The following ONECUT3 variants were observed in gnomAD, a reference collection of about 807,000 sequenced individuals.
ONECUT3 encodes one cut homeobox 3.
Under a neutral mutation model 16.8 loss-of-function variants are expected in ONECUT3, and 11 were observed. The observed-to-expected ratio is 0.66, with a 90% confidence interval of 0.41 to 1.09. The LOEUF is 1.09. Among genes scored for constraint, ONECUT3 ranks in the 50% least tolerant of loss-of-function variants. The probability of loss-of-function intolerance (pLI) is 0.00; values close to 1 mark genes in which losing one functional copy is unlikely to be tolerated. For synonymous variants in ONECUT3, 344 were observed against 310.7 expected, an observed-to-expected ratio of 1.11 and a Z score of -1.13; for missense variants, 637 against 629.9, an observed-to-expected ratio of 1.01 and a Z score of -0.12.
Position 1,776,738 on chromosome 19 carries a change from G to C in ONECUT3, c.*1293G>C, listed in dbSNP as rs906546618. Reference sequence around the variant, plus strand: ...TCCGGGGGTTCAAGATCCGAGTCTAGAAGGAACCTCCTCCCTGAAATCCCC... The same window carrying C: ...TCCGGGGGTTCAAGATCCGAGTCTACAAGGAACCTCCTCCCTGAAATCCCC... On this transcript the variant is annotated 3_prime_UTR_variant, in exon 2 of 2. Transcript: ENST00000382349. This position sits in a 1 kb window ranked among gnomAD's most constrained non-coding sequence, Gnocchi z 4.9. 1 of 150,562 alleles carries C rather than the reference G, an allele frequency of 6.6e-6. No individual in the cohort carries two copies. The highest frequency in any genetic ancestry group is 6.6e-5 in the Admixed American group (1 of 15,066). 9.3% of individuals were successfully genotyped at this position (150,562 alleles called of 1,614,324 possible).
Position 1,758,315 on chromosome 19 carries a change from A to AAAG in ONECUT3, c.1192+3462_1192+3463insAGA, listed in dbSNP as rs1555799065. On this transcript the variant is annotated intron_variant, in intron 1 of 1. Coordinates refer to ENST00000382349, the MANE Select transcript of ONECUT3 (RefSeq NM_001080488.2). This position sits in a 1 kb window ranked among gnomAD's most constrained non-coding sequence, Gnocchi z 5.9. ...GCAGAGAGACCAAAAAAAAAAAAAA[A>AAAG]AGAGAGAGAGAGAGAGAGAGACAGA... 5.5e-4 allele frequency among the ~76,000 whole-genome samples: 42 copies of AAAG among 77,054 alleles called. No homozygotes were observed. The highest frequency in any genetic ancestry group is 1.5e-3 in the South Asian group (3 of 2,032). 50.6% of individuals were successfully genotyped at this position (77,054 alleles called of 152,430 possible).
chr19:1,779,061 T>C lies in ONECUT3; in HGVS notation c.*3616T>C, dbSNP rs562470481. ...CATACCAAAGAGCATGCGTTCTCCA[T>C]GCAGGGATCAACACCTCCAGCACAA... On this transcript the variant is annotated 3_prime_UTR_variant, in exon 2 of 2. Transcript: ENST00000382349. 1 of 152,252 alleles carries C rather than the reference T, an allele frequency of 6.6e-6. No homozygotes were observed. The highest frequency in any genetic ancestry group is 2.1e-4 in the South Asian group (1 of 4,822). 9.4% of individuals were successfully genotyped at this position (152,252 alleles called of 1,614,324 possible). A position where few individuals can be genotyped will look rare whatever the true frequency, so the allele number is the denominator to read the frequency against.
Position 1,775,817 on chromosome 19 carries a change from A to C in ONECUT3, c.*372A>C. The C allele has an allele frequency of 6.0e-6, 1 of 166,444 alleles. No individual in the cohort carries two copies. The highest frequency in any genetic ancestry group is 1.7e-4 in the East Asian group (1 of 5,966). 10.3% of individuals were successfully genotyped at this position (166,444 alleles called of 1,614,324 possible). On this transcript the variant is annotated 3_prime_UTR_variant, in exon 2 of 2. Transcript: ENST00000382349. ...AGCGGGTCAAGAAGCACATACTAGA[A>C]ATATAAACCGGGTATTTAAAAATGG...
chr19:1,753,777 G>C lies in ONECUT3; in HGVS notation c.115G>C (p.Val39Leu). The change falls in exon 1 of 2, where the codon GTG (valine) becomes CTG (leucine). Residue 39 changes from valine (V) to leucine (L), a missense_variant. Physicochemically the swap from Val to Leu is conservative, Grantham distance 32. This residue lies in a region of ONECUT3 where 419 missense variants were observed against 377.9 expected (regional missense o/e 1.11). Transcript: ENST00000382349. ...GGCGGCGGCGCAGCACCGCGGCCTG[G>C]TGGCGCCCGGGCGCCCGGGCCTGGT... The part of the protein sequence containing the change: ...RSAAAQHRGL[V>L]APGRPGLVAG... The C allele has an allele frequency of 7.1e-6, 7 of 984,512 alleles. No individual in the cohort carries two copies. The highest frequency in any genetic ancestry group is 8.4e-6 in the Non-Finnish European group (7 of 829,682). 61.0% of individuals were successfully genotyped at this position (984,512 alleles called of 1,614,324 possible).
chr19:1,775,323 C>G lies in ONECUT3; in HGVS notation c.1363C>G (p.Leu455Val). ...CATCTCGCAGCAGCTCGGCTTGGAG[C>G]TCAACACCGTCAGCAACTTCTTCAT... Reference protein sequence around the residue: ...VTISQQLGLELNTVSNFFMNA... With the variant: ...VTISQQLGLEVNTVSNFFMNA... The change falls in exon 2 of 2, where the codon CTC (leucine) becomes GTC (valine). Residue 455 changes from leucine to valine, a missense_variant. Coordinates refer to ENST00000382349, the MANE Select transcript of ONECUT3 (RefSeq NM_001080488.2). 3 of 1,594,164 alleles carry G rather than the reference C, an allele frequency of 1.9e-6. No individual in the cohort carries two copies. The highest frequency in any genetic ancestry group is 2.6e-6 in the Non-Finnish European group (3 of 1,169,944).
At chr19:1,772,383 T>C (rs1340778922) in intron 1 of ONECUT3, among the ~76,000 whole-genome samples, 1 of 152,016 alleles carries the variant, frequency 6.6e-6, no homozygotes. Context: ...TGGAGTGCAG[T>C]GGTGAGATCA....
chr19:1,767,327 A>G (rs1442538920), intron 1 of ONECUT3, among the ~76,000 whole-genome samples: 1 of 151,978 alleles, frequency 6.6e-6, no homozygotes, highest in Non-Finnish European at 1.5e-5. Flanking sequence ...CATGATCAAG[A>G]CCATCTTACA....
At chr19:1,763,413 G>A (rs1345778164) in intron 1 of ONECUT3, among the ~76,000 whole-genome samples, 1 of 127,376 alleles carries the variant, frequency 7.9e-6, no homozygotes, top group African/African-American at 2.7e-5. Context: ...AGATGTGGTG[G>A]TGTACATCTG....
chr19:1,764,744 A>C lies in ONECUT3; in HGVS notation c.1192+9890A>C, dbSNP rs1379944290. 6.9e-6 allele frequency among the ~76,000 whole-genome samples: 1 copy of C among 144,164 alleles called. No individual in the cohort carries two copies. The highest frequency in any genetic ancestry group is 2.5e-5 in the African/African-American group (1 of 39,338). The allele number at this position is 144,164 out of a possible 152,430, so 94.6% of individuals were successfully genotyped here. On this transcript the variant is annotated intron_variant, in intron 1 of 1. Transcript: ENST00000382349. The surrounding 1 kb of genome is among the most constrained non-coding windows in gnomAD (Gnocchi z 5.0). ...TATGTGACCCGGGCCCCCCACAGTAACTGGACATGTGACCTTGGGCAAGTC... is the reference window on the plus strand; with the variant it reads ...TATGTGACCCGGGCCCCCCACAGTACCTGGACATGTGACCTTGGGCAAGTC...
At chr19:1,765,723 TTGATAAACCAGGAACC>T (rs1235884537) in intron 1 of ONECUT3, among the ~76,000 whole-genome samples, 4 of 152,174 alleles carry the variant, frequency 2.6e-5, no homozygotes, top group Non-Finnish European at 1.5e-5. Flanking sequence ...CTGCGTCCAC[TTGATAAACCAGGAACC>T]TGATGTCCAG....
Position 1,776,723 on chromosome 19 carries a change from C to T in ONECUT3, c.*1278C>T, listed in dbSNP as rs1191896019. On this transcript the variant is annotated 3_prime_UTR_variant, in exon 2 of 2. Coordinates refer to ENST00000382349, the MANE Select transcript of ONECUT3 (RefSeq NM_001080488.2). This position sits in a 1 kb window ranked among gnomAD's most constrained non-coding sequence, Gnocchi z 4.9. The stretch of plus-strand genomic sequence containing the variant: ...CAGGAGCCCGCCTCCTCCGGGGGTT[C>T]AAGATCCGAGTCTAGAAGGAACCTC... 1.3e-5 allele frequency: 2 copies of T among 150,622 alleles called. No individual in the cohort carries two copies. Among genetic ancestry groups the T allele is most frequent in the African/African-American group, 4.9e-5 (2 of 40,838 alleles). The allele number at this position is 150,622 out of a possible 1,614,324, so 9.3% of individuals were successfully genotyped here.
Position 1,766,263 on chromosome 19 carries a change from G to A in ONECUT3, c.1193-8890G>A, listed in dbSNP as rs2067987991. Among the ~76,000 whole-genome samples the A allele has an allele frequency of 6.6e-6, 1 of 152,084 alleles. No homozygotes were observed. The highest frequency in any genetic ancestry group is 1.5e-5 in the Non-Finnish European group (1 of 67,986). On this transcript the variant is annotated intron_variant, in intron 1 of 1. Transcript: ENST00000382349. This position sits in a 1 kb window ranked among gnomAD's most constrained non-coding sequence, Gnocchi z 4.0. ...TGGGAAGCCTCAGGCAGCCCCACGC[G>A]GGCACACCCGATGGTGGACGGAGGC... is the stretch of plus-strand genomic sequence containing the variant.
At position 1,778,978 on chromosome 19, in the gene ONECUT3, C is replaced by T. The variant is rs1053077744; in HGVS notation, c.*3533C>T. ...CCCCCACAGAAGGCTCTATCCCCGA[C>T]CTGCCCGCCGGCCCCTCAGGCCCTC... On this transcript the variant is annotated 3_prime_UTR_variant, in exon 2 of 2. Transcript: ENST00000382349. 2.6e-5 allele frequency: 4 copies of T among 152,364 alleles called. No homozygotes were observed. The highest frequency in any genetic ancestry group is 5.9e-5 in the Non-Finnish European group (4 of 68,276). 9.4% of individuals were successfully genotyped at this position (152,364 alleles called of 1,614,324 possible).
At position 1,754,575 on chromosome 19, in the gene ONECUT3, C is replaced by A. The variant is rs2067906848; in HGVS notation, c.913C>A (p.Pro305Thr). The change falls in exon 1 of 2, where the codon CCC becomes ACC. Residue 305 changes from proline to threonine, a missense_variant. This residue lies in a region of ONECUT3 where 419 missense variants were observed against 377.9 expected (regional missense o/e 1.11). Coordinates refer to ENST00000382349, the MANE Select transcript of ONECUT3 (RefSeq NM_001080488.2). This position sits in a 1 kb window ranked among gnomAD's most constrained non-coding sequence, Gnocchi z 7.4. ...CGGGCCGCACGGGGGAGGCGGCGGC[C>A]CCGGCGGGAGCGGCGGCGGCCCCAG... ...AHGPHGGGGG[P>T]GGSGGGPSAG... 4 of 1,207,566 alleles carry A rather than the reference C, an allele frequency of 3.3e-6. No homozygotes were observed. The highest frequency in any genetic ancestry group is 4.2e-6 in the Non-Finnish European group (4 of 963,582). The allele number at this position is 1,207,566 out of a possible 1,614,324, so 74.8% of individuals were successfully genotyped here. A position where few individuals can be genotyped will look rare whatever the true frequency, so the allele number is the denominator to read the frequency against.
At position 1,777,832 on chromosome 19, in the gene ONECUT3, A is replaced by C. The variant is rs1258696902; in HGVS notation, c.*2387A>C. 6.6e-6 allele frequency: 1 copy of C among 151,960 alleles called. No individual in the cohort carries two copies. Among genetic ancestry groups the C allele is most frequent in the Non-Finnish European group, 1.5e-5 (1 of 68,004 alleles). 9.4% of individuals were successfully genotyped at this position (151,960 alleles called of 1,614,324 possible). A position where few individuals can be genotyped will look rare whatever the true frequency, so the allele number is the denominator to read the frequency against. The stretch of plus-strand genomic sequence containing the variant: ...ACATGGTGAAACCCTGTCTCTACTA[A>C]AAATACAAAAAAATTAGCTGGGCGA... On this transcript the variant is annotated 3_prime_UTR_variant, in exon 2 of 2. Coordinates refer to ENST00000382349, the MANE Select transcript of ONECUT3 (RefSeq NM_001080488.2).
chr19:1,766,552 A>G lies in ONECUT3; in HGVS notation c.1193-8601A>G, dbSNP rs2067991840. On this transcript the variant is annotated intron_variant, in intron 1 of 1. Transcript: ENST00000382349. The surrounding 1 kb of genome is among the most constrained non-coding windows in gnomAD (Gnocchi z 4.0). ...GGAAGGAAAGGGAGGAAAAGAAAAGAGCAGAGAGGGGAGAGGGAGGGAGGG... is the reference window on the plus strand; with the variant it reads ...GGAAGGAAAGGGAGGAAAAGAAAAGGGCAGAGAGGGGAGAGGGAGGGAGGG... 6.9e-6 allele frequency among the ~76,000 whole-genome samples: 1 copy of G among 145,760 alleles called. No homozygotes were observed.
chr19:1,769,197 T>C (rs1235407501), intron 1 of ONECUT3, among the ~76,000 whole-genome samples: 2 of 141,156 alleles, frequency 1.4e-5, no homozygotes, highest in African/African-American at 5.3e-5. Context: ...GTGATGGAGG[T>C]GGAGGTGGTG....
rs1169827569 is a variant in ONECUT3, at chr19:1,762,172, C to A, written c.1192+7318C>A. On this transcript the variant is annotated intron_variant, in intron 1 of 1. Transcript: ENST00000382349. The surrounding 1 kb of genome is among the most constrained non-coding windows in gnomAD (Gnocchi z 4.4). The stretch of plus-strand genomic sequence containing the variant: ...CATCTCCCCCTGGACGCAGTGGCTG[C>A]GCCATCTGGAGACCCTCGTGCTGGC... 6.6e-6 allele frequency among the ~76,000 whole-genome samples: 1 copy of A among 152,222 alleles called. No homozygotes were observed. Among genetic ancestry groups the A allele is most frequent in the Non-Finnish European group, 1.5e-5 (1 of 68,036 alleles).
Position 1,754,595 on chromosome 19 carries a change from C to A in ONECUT3, c.933C>A (p.Gly311=). The change falls in exon 1 of 2, where the codon GGC becomes GGA. Residue 311 remains glycine (G), a synonymous_variant. Transcript: ENST00000382349. This position sits in a 1 kb window ranked among gnomAD's most constrained non-coding sequence, Gnocchi z 7.4. ...GCGGCCCCGGCGGGAGCGGCGGCGG[C>A]CCCAGCGCGGGCGCAGCGGCCGAGG... ...GGGGPGGSGG[G]PSAGAAAEEI... is the part of the protein sequence containing the mutation. The A allele has an allele frequency of 7.5e-7, 1 of 1,331,568 alleles. No individual in the cohort carries two copies. Among genetic ancestry groups the A allele is most frequent in the Non-Finnish European group, 9.7e-7 (1 of 1,030,588 alleles). 82.5% of individuals were successfully genotyped at this position (1,331,568 alleles called of 1,614,324 possible).
Sources: gnomAD v4.1 joint callset for allele counts (sites outside exome capture counted in the v4.1 genomes callset) on GRCh38, gnomAD v4.1.1 for gene constraint, gnomAD v4.1.1 regional missense constraint, Gnocchi (gnomAD v3.1) non-coding constraint, MANE v1.5 for transcripts, NCBI Gene and HGNC (gene_info 2026-07-23, HGNC 2026-07-21) for gene names.